Variants in IL1RAPL1 observed in about 807,000 individuals in gnomAD.
IL1RAPL1 encodes interleukin 1 receptor accessory protein like 1.
IL1RAPL1 carries 3 observed loss-of-function variants against 48.4 expected under a neutral mutation model. The ratio of observed to expected loss-of-function variants is 0.06; its 90% CI spans 0.03 to 0.16. The LOEUF (loss-of-function observed/expected upper bound fraction) is 0.16. Among genes scored for constraint, IL1RAPL1 ranks in the 10% least tolerant of loss-of-function variants. IL1RAPL1 has a pLI of 1.00. For synonymous variants in IL1RAPL1, 185 were observed against 187.7 expected (o/e 0.99, Z 0.12); for missense variants, 349 against 530.6 (o/e 0.66, Z 3.36).
intron 2 of IL1RAPL1, among the ~76,000 whole-genome samples, chrX:29,278,486 T>C (rs1391225164): frequency 2.7e-5 from 3 of 111,855 alleles, no homozygotes; most frequent in East Asian, 2.8e-4. Context: ...TGCAGAGATA[T>C]GTTGAACTGG....
chrX:29,459,879 A>G (rs761714142), intron 5 of IL1RAPL1, among the ~76,000 whole-genome samples: 2 of 111,817 alleles, frequency 1.8e-5, no homozygotes, highest in Admixed American at 1.9e-4. Context: ...TTATCTAAGT[A>G]AAATTTTGTA....
At chrX:28,778,082 A>G (rs1936377859) in intron 1 of IL1RAPL1, among the ~76,000 whole-genome samples, 1 of 111,738 alleles carries the variant, frequency 8.9e-6, no homozygotes, top group Non-Finnish European at 1.9e-5. Flanking sequence ...AAATTCAGCC[A>G]AGGCTGAAAA....
chrX:28,856,585 CAA>C (rs1160012744), intron 2 of IL1RAPL1, among the ~76,000 whole-genome samples: 1 of 111,575 alleles, frequency 9.0e-6, no homozygotes, highest in African/African-American at 3.3e-5. Context: ...GTAACTCTCA[CAA>C]TATTTCATAC....
At chrX:29,800,107 G>A (rs992439892) in intron 6 of IL1RAPL1, among the ~76,000 whole-genome samples, 3 of 111,803 alleles carry the variant, frequency 2.7e-5, no homozygotes, top group Non-Finnish European at 3.8e-5. Flanking sequence ...AAAGTAATAT[G>A]AGGCAAGGAG....
intron 2 of IL1RAPL1, among the ~76,000 whole-genome samples, chrX:28,838,189 C>A (rs756674789): frequency 9.0e-6 from 1 of 111,065 alleles, no homozygotes; most frequent in South Asian, 3.7e-4. Context: ...TGGAAGGAGT[C>A]TTAGAATCCA....
intron 5 of IL1RAPL1, among the ~76,000 whole-genome samples, chrX:29,540,594 T>C (rs78229767): frequency 1.8e-5 from 2 of 111,431 alleles, no homozygotes; most frequent in Non-Finnish European, 3.8e-5. Context: ...CATAGACCAA[T>C]GGAACAGAAT....
chrX:29,039,785 CAAA>C (rs35505034), intron 2 of IL1RAPL1, among the ~76,000 whole-genome samples: 13,567 of 61,860 alleles, frequency 0.22, 1,591 homozygotes, highest in African/African-American at 0.43. Flanking sequence ...TAACAATCCT[CAAA>C]AAAAAAAAAA....
At chrX:29,528,287 T>C (rs939670859) in intron 5 of IL1RAPL1, among the ~76,000 whole-genome samples, 10 of 112,578 alleles carry the variant, frequency 8.9e-5, no homozygotes, top group Non-Finnish European at 1.9e-5. Context: ...GGATAAACTA[T>C]AGTACATATA....
At chrX:28,754,735 G>A (rs1336102708) in intron 1 of IL1RAPL1, among the ~76,000 whole-genome samples, 3 of 111,885 alleles carry the variant, frequency 2.7e-5, no homozygotes, top group East Asian at 2.8e-4. Context: ...TTGTGACCAC[G>A]GATAACTTCC....
chrX:29,782,888 A>ATTT (rs780831874), intron 6 of IL1RAPL1, among the ~76,000 whole-genome samples: 541 of 31,130 alleles, frequency 0.017, 63 homozygotes, highest in Admixed American at 0.021. Flanking sequence ...TGATCGTGAC[A>ATTT]TTTTTTTTTT....
chrX:29,129,039 CTTTTTTTTTTT>C (rs62772160), intron 2 of IL1RAPL1, among the ~76,000 whole-genome samples: 1 of 62,391 alleles, frequency 1.6e-5, no homozygotes, highest in African/African-American at 6.4e-5. Flanking sequence ...TACCTAGAAT[CTTTTTTTTTTT>C]TTTTTTTTTT....
At chrX:29,402,128 T>A (rs1934001918) in intron 5 of IL1RAPL1, among the ~76,000 whole-genome samples, 1 of 111,140 alleles carries the variant, frequency 9.0e-6, no homozygotes. Context: ...TCCTGAAACA[T>A]TCTCAATTTT....
intron 5 of IL1RAPL1, among the ~76,000 whole-genome samples, chrX:29,564,370 T>G (rs761995430): frequency 8.9e-5 from 10 of 112,448 alleles, no homozygotes; most frequent in Non-Finnish European, 1.7e-4. Context: ...TAGTCAAAAC[T>G]TTTTCTATGG....
intron 6 of IL1RAPL1, among the ~76,000 whole-genome samples, chrX:29,829,102 T>C (rs1380803961): frequency 1.9e-5 from 2 of 107,881 alleles, no homozygotes; most frequent in African/African-American, 3.4e-5. Flanking sequence ...CTTATTGTTT[T>C]AAACACTTAG....
intron 5 of IL1RAPL1, among the ~76,000 whole-genome samples, chrX:29,427,707 T>G (rs144594643): frequency 9.0e-6 from 1 of 111,405 alleles, no homozygotes; most frequent in East Asian, 2.8e-4. Flanking sequence ...AAGACCAGTC[T>G]TGGGAAGCAA....
chrX:28,757,845 A>G (rs953283088), intron 1 of IL1RAPL1, among the ~76,000 whole-genome samples: 4 of 111,130 alleles, frequency 3.6e-5, no homozygotes, highest in Admixed American at 9.6e-5. Flanking sequence ...TTTCTAATTC[A>G]TTTTATCCTG....
chrX:29,455,108 A>G (rs1056110458), intron 5 of IL1RAPL1, among the ~76,000 whole-genome samples: 1 of 111,581 alleles, frequency 9.0e-6, no homozygotes, highest in Non-Finnish European at 1.9e-5. Context: ...TAAATAGCTA[A>G]TGCATGCAGG....
chrX:29,332,530 T>C (rs997648052), intron 3 of IL1RAPL1, among the ~76,000 whole-genome samples: 1 of 103,791 alleles, frequency 9.6e-6, no homozygotes, highest in African/African-American at 3.5e-5. Flanking sequence ...TGGTTGCCAA[T>C]ATTTGGAATC....
intron 2 of IL1RAPL1, among the ~76,000 whole-genome samples, chrX:28,869,491 T>C (rs895112267): frequency 2.7e-5 from 3 of 112,330 alleles, no homozygotes; most frequent in Non-Finnish European, 5.6e-5. Flanking sequence ...GGAATACTTA[T>C]ATAAACTGCA....
Sources: allele counts gnomAD v4.1 joint callset (sites outside exome capture counted in the v4.1 genomes callset), GRCh38; gene constraint gnomAD v4.1.1; transcripts MANE v1.5; gene names NCBI Gene and HGNC (gene_info 2026-07-23, HGNC 2026-07-21).